ATRNL1: variants seen among roughly 807,000 people sequenced by gnomAD.
ATRNL1 encodes the protein attractin-like protein 1.
A neutral mutation model predicts 182.7 loss-of-function variants in ATRNL1; 95 were observed. The observed-to-expected ratio is 0.52, with a 90% CI of 0.44 to 0.62. The LOEUF is 0.62. Ranked by LOEUF, ATRNL1 falls within the 20% of genes least tolerant of loss-of-function variation. ATRNL1 has a pLI of 0.00. For missense variants in ATRNL1, 1,471 were observed against 1,679.5 expected (o/e 0.88, Z 2.17); for synonymous variants, 576 against 568.3 (o/e 1.01, Z -0.19).
At chr10:115,770,080 C>T (rs1263925423) in intron 27 of ATRNL1, among the ~76,000 whole-genome samples, 1 of 151,728 alleles carries the variant, frequency 6.6e-6, no homozygotes, top group Non-Finnish European at 1.5e-5. Context: ...CTCCGAAGCT[C>T]CAAAAATTTC....
intron 5 of ATRNL1, among the ~76,000 whole-genome samples, chr10:115,145,480 A>G (rs1252943130): frequency 6.6e-6 from 1 of 152,134 alleles, no homozygotes; most frequent in African/African-American, 2.4e-5. Flanking sequence ...TACCACTCAC[A>G]CAATTCATTG....
chr10:115,367,519 C>T (rs1161348647), intron 19 of ATRNL1, among the ~76,000 whole-genome samples: 4 of 151,514 alleles, frequency 2.6e-5, no homozygotes, highest in Admixed American at 1.3e-4. Flanking sequence ...TCTCTCAGCT[C>T]GTCAAAGTCA....
chr10:115,577,385 T>G (rs1455131128), intron 26 of ATRNL1, among the ~76,000 whole-genome samples: 1 of 151,876 alleles, frequency 6.6e-6, no homozygotes, highest in African/African-American at 2.4e-5. Context: ...ATTTGTGCCT[T>G]CTTCAGTTTC....
intron 1 of ATRNL1, chr10:115,096,513 T>G: frequency 2.2e-6 from 1 of 452,094 alleles, no homozygotes; most frequent in Non-Finnish European, 3.8e-6. Context: ...CTAACTATCT[T>G]GAAAATCTTT....
At chr10:115,324,788 C>A (rs904701013) in intron 18 of ATRNL1, among the ~76,000 whole-genome samples, 8 of 152,194 alleles carry the variant, frequency 5.3e-5, no homozygotes, top group Non-Finnish European at 8.8e-5. Context: ...CTTTAGGATG[C>A]CAAGAATTAT....
chr10:115,811,718 T>C lies in ATRNL1; in HGVS notation c.3904-36159T>C, dbSNP rs146948147. ...TCTTCTTGATTAATTGACTTCTTTA[T>C]TATTATATAATGTTATACATTTTCC... is the stretch of plus-strand genomic sequence containing the variant. On this transcript the variant is annotated intron_variant, in intron 27 of 28. Transcript: ENST00000355044. Among the ~76,000 whole-genome samples the C allele has an allele frequency of 8.4e-3, 1,283 of 152,190 alleles. 17 individuals are homozygous for C. Among genetic ancestry groups the C allele is most frequent in the Non-Finnish European group, 0.013 (859 of 67,956 alleles).
chr10:115,220,016 C>A (rs1463448243), intron 9 of ATRNL1, among the ~76,000 whole-genome samples: 2 of 152,194 alleles, frequency 1.3e-5, no homozygotes, highest in Non-Finnish European at 2.9e-5. Context: ...CATCAGTTGA[C>A]TCATCAACCT....
intron 26 of ATRNL1, among the ~76,000 whole-genome samples, chr10:115,636,756 A>G (rs1555028310): frequency 6.6e-6 from 1 of 152,246 alleles, no homozygotes; most frequent in Non-Finnish European, 1.5e-5. Flanking sequence ...TTACATATGA[A>G]TGTACATAGC....
At chr10:115,391,777 A>G (rs1253795217) in intron 19 of ATRNL1, among the ~76,000 whole-genome samples, 6 of 151,948 alleles carry the variant, frequency 3.9e-5, no homozygotes, top group African/African-American at 1.5e-4. Context: ...TCTTCCTAAC[A>G]TCACTCCTCT....
At position 115,105,215 on chromosome 10, in the gene ATRNL1, C is replaced by G. The variant is rs116755646; in HGVS notation, c.293+11172C>G. Among the ~76,000 whole-genome samples, 1,262 of 151,910 alleles carry G rather than the reference C, an allele frequency of 8.3e-3. 13 individuals carry two copies. The highest frequency in any genetic ancestry group is 0.028 in the African/African-American group (1,153 of 41,458). On this transcript the variant is annotated intron_variant, in intron 1 of 28. Coordinates refer to ENST00000355044, the MANE Select transcript of ATRNL1 (RefSeq NM_207303.4). Reference sequence around the variant, plus strand: ...AATATCTTTCCATTTTTTTTGGTGTCTTCTTCAATTTCTTTCATTTTTCCC... The same window carrying G: ...AATATCTTTCCATTTTTTTTGGTGTGTTCTTCAATTTCTTTCATTTTTCCC...
intron 24 of ATRNL1, among the ~76,000 whole-genome samples, chr10:115,507,031 A>G (rs781949653): frequency 6.6e-6 from 1 of 152,102 alleles, no homozygotes; most frequent in Non-Finnish European, 1.5e-5. Context: ...ATGAGACATT[A>G]ATTAACATAC....
chr10:115,944,050 G>C (rs1953807821), intron 28 of ATRNL1, among the ~76,000 whole-genome samples: 1 of 151,894 alleles, frequency 6.6e-6, no homozygotes, highest in African/African-American at 2.4e-5. Context: ...GGATAGATTG[G>C]TGAAGTGCGG....
At chr10:115,126,295 T>C (rs538665362) in intron 3 of ATRNL1, among the ~76,000 whole-genome samples, 2 of 152,316 alleles carry the variant, frequency 1.3e-5, no homozygotes, top group Admixed American at 1.3e-4. Flanking sequence ...CTTGACCTCG[T>C]TATCCGCCTG....
intron 20 of ATRNL1, among the ~76,000 whole-genome samples, chr10:115,396,649 T>C (rs116439525): frequency 6.6e-6 from 1 of 151,896 alleles, no homozygotes; most frequent in South Asian, 2.1e-4. Flanking sequence ...AGTGGCAGTA[T>C]TACAGATAAA....
intron 20 of ATRNL1, among the ~76,000 whole-genome samples, chr10:115,395,208 A>G (rs1296937477): frequency 6.6e-6 from 1 of 151,938 alleles, no homozygotes; most frequent in Non-Finnish European, 1.5e-5. Context: ...GCTGTGTAGT[A>G]TTCCATGGTG....
At chr10:115,604,493 C>G (rs906789264) in intron 26 of ATRNL1, among the ~76,000 whole-genome samples, 1 of 152,076 alleles carries the variant, frequency 6.6e-6, no homozygotes, top group Non-Finnish European at 1.5e-5. Context: ...TTTGGTAACC[C>G]TTTGTCTGCC....
chr10:115,733,577 A>G (rs1265887991), intron 27 of ATRNL1, among the ~76,000 whole-genome samples: 1 of 152,144 alleles, frequency 6.6e-6, no homozygotes, highest in Non-Finnish European at 1.5e-5. Flanking sequence ...CAGCTGTCCT[A>G]TTAAGAGCAT....
At chr10:115,377,804 C>T (rs781906914) in intron 19 of ATRNL1, among the ~76,000 whole-genome samples, 8 of 152,088 alleles carry the variant, frequency 5.3e-5, no homozygotes, top group Non-Finnish European at 1.0e-4. Context: ...GATGCTGTTT[C>T]TGTGGTAGGG....
intron 24 of ATRNL1, among the ~76,000 whole-genome samples, chr10:115,505,737 C>T (rs576173153): frequency 1.6e-4 from 25 of 151,962 alleles, no homozygotes; most frequent in South Asian, 6.2e-4. Flanking sequence ...AAAACATGAA[C>T]GCCTTTTAAA....
Sources: gnomAD v4.1 joint callset for allele counts (sites outside exome capture counted in the v4.1 genomes callset) on GRCh38, gnomAD v4.1.1 for gene constraint, MANE v1.5 for transcripts, NCBI Gene and HGNC (gene_info 2026-07-23, HGNC 2026-07-21) for gene names.